The following CCDC171 variants were observed in gnomAD, a reference collection of about 807,000 sequenced individuals.
CCDC171 encodes the protein coiled-coil domain containing 171, also known as coiled-coil domain-containing protein 171.
In CCDC171, 177 loss-of-function variants were observed where a neutral mutation model predicts 168.2. That is an observed-to-expected ratio of 1.05 (90% CI 0.93 to 1.19). The LOEUF is 1.19. Ranked by LOEUF, CCDC171 falls within the 50% of genes most tolerant of loss-of-function variation. CCDC171 has a pLI of 0.00. For missense variants in CCDC171, 1,991 were observed against 1,539.0 expected (o/e 1.29, Z -4.91); for synonymous variants, 687 against 540.8 (o/e 1.27, Z -3.75).
At chr9:15,703,836 G>A (rs1439763089) in intron 11 of CCDC171, among the ~76,000 whole-genome samples, 2 of 152,130 alleles carry the variant, frequency 1.3e-5, no homozygotes, top group Non-Finnish European at 2.9e-5. Context: ...CCATACTAGA[G>A]CATACAACAT....
rs143754428 is a variant in CCDC171, at chr9:15,966,376, C to T, written c.3754-5233C>T. On this transcript the variant is annotated intron_variant, in intron 25 of 25. Transcript: ENST00000380701. ...TCACAAGTTCCATGTAACTGGCTTGCACAGTACAAGTGAGGAAATGGTAGA... is the reference window on the plus strand; with the variant it reads ...TCACAAGTTCCATGTAACTGGCTTGTACAGTACAAGTGAGGAAATGGTAGA... 2.3e-4 allele frequency among the ~76,000 whole-genome samples: 35 copies of T among 152,218 alleles called. 1 individual carries two copies. The East Asian group carries it at 6.2e-3, about 27-fold the overall frequency.
intron 11 of CCDC171, among the ~76,000 whole-genome samples, chr9:15,703,104 C>G (rs975341348): frequency 2.6e-5 from 4 of 152,110 alleles, no homozygotes; most frequent in African/African-American, 9.7e-5. Context: ...CGGGGTTTCA[C>G]CATGTTAGCC....
intron 8 of CCDC171, among the ~76,000 whole-genome samples, chr9:15,665,099 ACT>A (rs980904488): frequency 6.6e-6 from 1 of 151,886 alleles, no homozygotes; most frequent in African/African-American, 2.4e-5. Flanking sequence ...ACCTCCTGGA[ACT>A]CTCCCAGTTT....
chr9:15,611,140 T>C (rs907699159), intron 6 of CCDC171, among the ~76,000 whole-genome samples: 2 of 152,162 alleles, frequency 1.3e-5, no homozygotes, highest in African/African-American at 4.8e-5. Flanking sequence ...GCTCCTGATC[T>C]GGCCATGTGA....
At chr9:15,750,517 A>G (rs1044067498) in intron 18 of CCDC171, among the ~76,000 whole-genome samples, 37 of 152,234 alleles carry the variant, frequency 2.4e-4, no homozygotes, top group Non-Finnish European at 5.9e-5. Context: ...CAACAAAAAA[A>G]GAGAATTTTA....
At chr9:15,793,945 G>GT (rs1431391116) in intron 21 of CCDC171, among the ~76,000 whole-genome samples, 1 of 151,544 alleles carries the variant, frequency 6.6e-6, no homozygotes, top group African/African-American at 2.4e-5. Flanking sequence ...TGATAGTTTT[G>GT]TTTTTTGTTT....
chr9:15,664,240 C>G (rs543917157), intron 8 of CCDC171, among the ~76,000 whole-genome samples: 60 of 152,074 alleles, frequency 3.9e-4, no homozygotes, highest in South Asian at 1.5e-3. Flanking sequence ...CAAAACTACA[C>G]TTTTACACCT....
chr9:16,055,533 T>C (rs1833825647), intron 1 of CCDC171, among the ~76,000 whole-genome samples: 1 of 152,206 alleles, frequency 6.6e-6, no homozygotes. Flanking sequence ...TCATGTCCAC[T>C]GCCCCCTCAG....
In CCDC171 at chr9:15,615,406, A is replaced by C. The variant is rs533586993; in HGVS notation, c.676-7861A>C. Among the ~76,000 whole-genome samples, 6 of 152,276 alleles carry C rather than the reference A, an allele frequency of 3.9e-5. No homozygotes were observed. The South Asian group carries it at 8.3e-4, about 21-fold the overall frequency. Reference sequence around the variant, plus strand: ...TGTGTCTATATCTGTGTGTGTATTTATATTCATATCCAAGAATACAATAGA... The same window carrying C: ...TGTGTCTATATCTGTGTGTGTATTTCTATTCATATCCAAGAATACAATAGA... On this transcript the variant is annotated intron_variant, in intron 6 of 25. Transcript: ENST00000380701.
chr9:16,050,811 G>A (rs1213738381), intron 1 of CCDC171, among the ~76,000 whole-genome samples: 1 of 152,200 alleles, frequency 6.6e-6, no homozygotes, highest in East Asian at 1.9e-4. Flanking sequence ...ATATGTGGTA[G>A]TAACCCCTCA....
At chr9:15,580,064 C>A (rs2040989811) in intron 4 of CCDC171, among the ~76,000 whole-genome samples, 1 of 152,052 alleles carries the variant, frequency 6.6e-6, no homozygotes, top group Non-Finnish European at 1.5e-5. Flanking sequence ...GAAATAAAGA[C>A]AAATACTTAC....
chr9:15,691,932 C>A (rs1237084208), intron 10 of CCDC171, among the ~76,000 whole-genome samples: 1 of 152,080 alleles, frequency 6.6e-6, no homozygotes, highest in Non-Finnish European at 1.5e-5. Context: ...CCTTGGCCTC[C>A]CAAAGTGCTG....
At chr9:15,618,829 G>C (rs1239979264) in intron 6 of CCDC171, among the ~76,000 whole-genome samples, 1 of 151,722 alleles carries the variant, frequency 6.6e-6, no homozygotes, top group African/African-American at 2.4e-5. Context: ...GCTCTCCGTG[G>C]GTTGCACCCA....
At chr9:15,863,349 A>C (rs905181456) in intron 23 of CCDC171, among the ~76,000 whole-genome samples, 1 of 151,946 alleles carries the variant, frequency 6.6e-6, no homozygotes, top group African/African-American at 2.4e-5. Context: ...TACTTTCTTG[A>C]ATTTCCATAA....
chr9:15,931,858 A>G (rs555146476), intron 25 of CCDC171, among the ~76,000 whole-genome samples: 2 of 151,706 alleles, frequency 1.3e-5, no homozygotes, highest in Non-Finnish European at 2.9e-5. Flanking sequence ...AGTTTTCCCA[A>G]TACTATTTAT....
intron 25 of CCDC171, among the ~76,000 whole-genome samples, chr9:15,954,610 A>G (rs988635430): frequency 6.8e-6 from 1 of 146,588 alleles, no homozygotes; most frequent in African/African-American, 2.5e-5. Flanking sequence ...TTCTTCGATC[A>G]TTTTTCTTTC....
At chr9:15,821,997 G>A (rs1018855347) in intron 21 of CCDC171, among the ~76,000 whole-genome samples, 21 of 152,064 alleles carry the variant, frequency 1.4e-4, no homozygotes, top group Non-Finnish European at 2.5e-4. Flanking sequence ...TATAGACCCC[G>A]GAACACAACA....
chr9:15,620,839 TA>T (rs954352026), intron 6 of CCDC171, among the ~76,000 whole-genome samples: 1 of 152,208 alleles, frequency 6.6e-6, no homozygotes, highest in Non-Finnish European at 1.5e-5. Flanking sequence ...CTTCAGCTGC[TA>T]CCACCCTCAT....
At chr9:15,704,261 A>G (rs1460594525) in intron 11 of CCDC171, among the ~76,000 whole-genome samples, 1 of 152,240 alleles carries the variant, frequency 6.6e-6, no homozygotes, top group African/African-American at 2.4e-5. Context: ...CTAGGTGTGC[A>G]CATATGGTCC....
Sources: gnomAD v4.1 joint callset for allele counts (sites outside exome capture counted in the v4.1 genomes callset) on GRCh38, gnomAD v4.1.1 for gene constraint, MANE v1.5 for transcripts, NCBI Gene and HGNC (gene_info 2026-07-23, HGNC 2026-07-21) for gene names.